The following STRN3 variants were observed in gnomAD, a reference collection of about 807,000 sequenced individuals.
The protein encoded by STRN3 is striatin-3.
In STRN3, 29 loss-of-function variants were observed where a neutral mutation model predicts 95.6. That is an observed-to-expected ratio of 0.30 (90% CI 0.23 to 0.41). The LOEUF is 0.41. Among genes scored for constraint, STRN3 ranks in the 10% least tolerant of loss-of-function variants. STRN3 has a pLI of 1.00. For synonymous variants in STRN3, 331 were observed against 357.6 expected, an observed-to-expected ratio of 0.93 and a Z score of 0.84; for missense variants, 890 against 972.1, an observed-to-expected ratio of 0.92 and a Z score of 1.12.
chr14:30,905,904 T>C (rs1372368954), intron 14 of STRN3, among the ~76,000 whole-genome samples: 1 of 152,240 alleles, frequency 6.6e-6, no homozygotes, highest in Non-Finnish European at 1.5e-5. Context: ...TTATACTTCT[T>C]ACTGTAAAAT....
Position 31,026,212 on chromosome 14 carries a change from A to T in STRN3, c.-27T>A, listed in dbSNP as rs1021853750. ...GTGTGTGGGGCCCCGGCCGGGGCGC[A>T]GGGCGAGACGCCGACAGCTGGGGGA... On this transcript the variant is annotated 5_prime_UTR_variant, in exon 1 of 18. Transcript: ENST00000357479. 1 of 1,387,718 alleles carries T rather than the reference A, an allele frequency of 7.2e-7. No homozygotes were observed. Among genetic ancestry groups the T allele is most frequent in the Non-Finnish European group, 9.3e-7 (1 of 1,079,820 alleles). The allele number at this position is 1,387,718 out of a possible 1,614,324, so 86.0% of individuals were successfully genotyped here. A position where few individuals can be genotyped will look rare whatever the true frequency, so the allele number is the denominator to read the frequency against.
chr14:30,935,942 T>G (rs547639638), intron 6 of STRN3, among the ~76,000 whole-genome samples: 1 of 152,232 alleles, frequency 6.6e-6, no homozygotes, highest in Non-Finnish European at 1.5e-5. Context: ...GTTGAAATGC[T>G]GTACACTACT....
At chr14:30,929,346 A>C in intron 7 of STRN3, 35 bp from the exon 8 acceptor site, 1 of 1,562,528 alleles carries the variant, frequency 6.4e-7, no homozygotes, top group Non-Finnish European at 8.8e-7. Flanking sequence ...AAAAAAAATC[A>C]GCAGTTGGCA....
At chr14:30,965,787 AAAC>A (rs1566462537) in intron 1 of STRN3, among the ~76,000 whole-genome samples, 4 of 147,890 alleles carry the variant, frequency 2.7e-5, no homozygotes, top group South Asian at 2.3e-4. Flanking sequence ...AAAAAAAAAA[AAAC>A]AACAAACAAA....
chr14:30,904,456 G>C (rs376782344), intron 15 of STRN3, among the ~76,000 whole-genome samples: 2 of 152,280 alleles, frequency 1.3e-5, no homozygotes, highest in South Asian at 4.1e-4. Flanking sequence ...CACCTTTAGA[G>C]GGTGCTAGCA....
At chr14:30,913,439 T>C in intron 10 of STRN3, 85 bp downstream of exon 10, 1 of 1,343,738 alleles carries the variant, frequency 7.4e-7, no homozygotes, top group Non-Finnish European at 9.9e-7. Context: ...TGCACCTTGA[T>C]ATTAATTCTG....
At chr14:30,944,491 CACAT>C in intron 5 of STRN3, among the ~76,000 whole-genome samples, 1 of 146,922 alleles carries the variant, frequency 6.8e-6, no homozygotes, top group South Asian at 2.3e-4. Context: ...ATAATATATA[CACAT>C]ATATATACAT....
At chr14:30,924,514 A>G (rs1006589063) in intron 8 of STRN3, among the ~76,000 whole-genome samples, 1 of 151,340 alleles carries the variant, frequency 6.6e-6, no homozygotes, top group African/African-American at 2.4e-5. Context: ...CTGATCTCAA[A>G]CTCTTGACCT....
Position 30,962,078 on chromosome 14 carries a change from G to C in STRN3, c.283-5836C>G, listed in dbSNP as rs145808414. 1.3e-3 allele frequency among the ~76,000 whole-genome samples: 204 copies of C among 152,306 alleles called. 2 individuals carry two copies. The East Asian group carries it at 0.031, about 23-fold the overall frequency. ...ACCTTCCAGTGGGATAAGATGTGGA[G>C]GTAGAAGACAATGATATTAACCTAG... On this transcript the variant is annotated intron_variant, in intron 1 of 17. Coordinates refer to ENST00000357479, the MANE Select transcript of STRN3 (RefSeq NM_001083893.2).
At chr14:31,003,989 C>T (rs1044714745) in intron 1 of STRN3, among the ~76,000 whole-genome samples, 1 of 151,510 alleles carries the variant, frequency 6.6e-6, no homozygotes, top group African/African-American at 2.4e-5. Context: ...CTCATCTCAA[C>T]AAAGAAGTTT....
intron 1 of STRN3, among the ~76,000 whole-genome samples, chr14:30,993,578 C>A (rs1417445513): frequency 6.6e-6 from 1 of 152,092 alleles, no homozygotes; most frequent in African/African-American, 2.4e-5. Flanking sequence ...ATGCTTTATT[C>A]AAAAGAAATT....
chr14:31,012,823 G>A (rs1039013720), intron 1 of STRN3, among the ~76,000 whole-genome samples: 3 of 151,744 alleles, frequency 2.0e-5, no homozygotes, highest in African/African-American at 7.3e-5. Flanking sequence ...GAAACCTGAA[G>A]GCAGAGGTTG....
intron 1 of STRN3, among the ~76,000 whole-genome samples, chr14:30,975,321 T>C (rs1881040199): frequency 6.6e-6 from 1 of 150,852 alleles, no homozygotes; most frequent in African/African-American, 2.4e-5. Context: ...AACCAAGCAT[T>C]GTATGTTCTC....
At chr14:30,992,078 TCAACAACAA>T (rs10667506) in intron 1 of STRN3, among the ~76,000 whole-genome samples, 1 of 151,672 alleles carries the variant, frequency 6.6e-6, no homozygotes, top group Admixed American at 6.6e-5. Flanking sequence ...TATGGAAAAC[TCAACAACAA>T]CAACAACAAC....
At chr14:30,931,981 T>A (rs1395237712) in intron 7 of STRN3, 1 of 152,254 alleles carries the variant, frequency 6.6e-6, no homozygotes, top group African/African-American at 2.4e-5. Context: ...ATAATTTAAA[T>A]CTGGGCTGGG....
At chr14:30,916,392 A>G (rs1896740125) in intron 9 of STRN3, among the ~76,000 whole-genome samples, 1 of 149,808 alleles carries the variant, frequency 6.7e-6, no homozygotes, top group African/African-American at 2.5e-5. Context: ...CTCCTGCCTC[A>G]ACCTCCTGAA....
intron 7 of STRN3, among the ~76,000 whole-genome samples, chr14:30,934,108 G>T (rs749757109): frequency 1.1e-4 from 17 of 152,104 alleles, no homozygotes; most frequent in Non-Finnish European, 1.9e-4. Flanking sequence ...GGCGGATCGC[G>T]ATGTCAAGAG....
At chr14:30,999,194 T>C (rs1023029682) in intron 1 of STRN3, among the ~76,000 whole-genome samples, 2 of 152,076 alleles carry the variant, frequency 1.3e-5, no homozygotes, top group Non-Finnish European at 2.9e-5. Flanking sequence ...CAGGTGCATG[T>C]GCCACCATGC....
At chr14:30,982,400 C>T (rs571410590) in intron 1 of STRN3, among the ~76,000 whole-genome samples, 3 of 152,218 alleles carry the variant, frequency 2.0e-5, no homozygotes, top group East Asian at 1.9e-4. Flanking sequence ...CTCCGCATCC[C>T]GGGTTCAAGC....
Sources: allele counts gnomAD v4.1 joint callset (sites outside exome capture counted in the v4.1 genomes callset), GRCh38; gene constraint gnomAD v4.1.1; transcripts MANE v1.5; gene names NCBI Gene and HGNC (gene_info 2026-07-23, HGNC 2026-07-21).